The following DCTN2 variants were observed in gnomAD, a reference collection of about 807,000 sequenced individuals.
The protein encoded by DCTN2 is 50 kDa dynein-associated polypeptide.
A neutral mutation model predicts 55.4 loss-of-function variants in DCTN2; 18 were observed. The ratio of observed to expected loss-of-function variants is 0.32; its 90% CI spans 0.22 to 0.48. DCTN2 has a LOEUF of 0.48. DCTN2 is among the 20% of genes least tolerant of loss of function. The pLI is 0.99. For missense variants in DCTN2, 390 were observed against 491.0 expected (o/e 0.79, Z 1.94); for synonymous variants, 168 against 185.2 (o/e 0.91, Z 0.76).
rs1879581955 is a variant in DCTN2, at chr12:57,530,603, TTATAG to T, written c.*81_*85del. The T allele has an allele frequency of 3.4e-6, 4 of 1,193,664 alleles. No homozygotes were observed. The highest frequency in any genetic ancestry group is 4.8e-6 in the Non-Finnish European group (4 of 825,556). 73.9% of individuals were successfully genotyped at this position (1,193,664 alleles called of 1,614,324 possible). ...GTCAAATGGGATGGGGATGCTAGAG[TTATAG>T]TAAAGGGGAAACCCTATGTAAGCTG... is the stretch of plus-strand genomic sequence containing the variant. On this transcript the variant is annotated 3_prime_UTR_variant, in exon 14 of 14. Transcript: ENST00000548249.
In DCTN2 at chr12:57,535,771, CTT is replaced by C; in HGVS notation, c.178_179del (p.Lys60GlufsTer8). ...CACCAAGTCCCTTTGTCCCCACTCT[CTT>C]GTCCTTGAACTTGTCATAGGCAGCA... ...PNAAYDKFKD[K>X]RVGTKGLDFS... On this transcript the variant is annotated frameshift_variant, in exon 3 of 14. Coordinates refer to ENST00000548249, the MANE Select transcript of DCTN2 (RefSeq NM_001261413.2). LOFTEE classifies it high-confidence loss of function. The C allele has an allele frequency of 6.2e-7, 1 of 1,613,986 alleles. No homozygotes were observed. Among genetic ancestry groups the C allele is most frequent in the Non-Finnish European group, 8.5e-7 (1 of 1,179,850 alleles).
At chr12:57,539,449 G>C (rs1281153211) in intron 2 of DCTN2, among the ~76,000 whole-genome samples, 1 of 152,172 alleles carries the variant, frequency 6.6e-6, no homozygotes, top group Non-Finnish European at 1.5e-5. Flanking sequence ...AAACAAAGGG[G>C]AAGGGTGAGA....
intron 2 of DCTN2, among the ~76,000 whole-genome samples, chr12:57,538,078 G>T (rs1880389118): frequency 6.6e-6 from 1 of 152,204 alleles, no homozygotes; most frequent in African/African-American, 2.4e-5. Flanking sequence ...CCTTATTATG[G>T]GCGGGCACTA....
intron 2 of DCTN2, chr12:57,536,112 A>G: frequency 2.2e-6 from 1 of 452,974 alleles, no homozygotes; most frequent in Non-Finnish European, 4.0e-6. Context: ...TCTGTACATA[A>G]GCCTTCCCAT....
chr12:57,537,497 G>A (rs753039585), intron 2 of DCTN2, among the ~76,000 whole-genome samples: 293 of 152,232 alleles, frequency 1.9e-3, no homozygotes, highest in Admixed American at 3.1e-3. Flanking sequence ...AGGTATGTGG[G>A]GAGAGGGTGT....
At position 57,547,111 on chromosome 12, in the gene DCTN2, G is replaced by GC. The variant is rs1881242963; in HGVS notation, c.-49dup. The GC allele has an allele frequency of 3.2e-6, 4 of 1,252,306 alleles. No individual in the cohort carries two copies. The African/African-American group carries it at 4.6e-5, about 15-fold the overall frequency. The allele number at this position is 1,252,306 out of a possible 1,614,324, so 77.6% of individuals were successfully genotyped here. A position where few individuals can be genotyped will look rare whatever the true frequency, so the allele number is the denominator to read the frequency against. On this transcript the variant is annotated 5_prime_UTR_variant, in exon 1 of 14. Transcript: ENST00000548249. Reference sequence around the variant, plus strand: ...GGACCCGGGCCTCGGTGGAGCCGGGGCCGGTGTTCGGGTAGGGGAGAGGCT... The same window carrying GC: ...GGACCCGGGCCTCGGTGGAGCCGGGGCCCGGTGTTCGGGTAGGGGAGAGGCT...
intron 2 of DCTN2, among the ~76,000 whole-genome samples, chr12:57,541,657 A>C (rs2140134603): frequency 6.6e-6 from 1 of 152,266 alleles, no homozygotes; most frequent in African/African-American, 2.4e-5. Flanking sequence ...GTTTCTAATG[A>C]GGTTTTTCTT....
intron 2 of DCTN2, among the ~76,000 whole-genome samples, chr12:57,540,693 A>T (rs1436119769): frequency 6.6e-6 from 1 of 152,236 alleles, no homozygotes; most frequent in Non-Finnish European, 1.5e-5. Flanking sequence ...CCATGATGAC[A>T]AGGAAGATGG....
chr12:57,535,723 C>T, intron 3 of DCTN2, 26 bp downstream of exon 3: 1 of 1,596,784 alleles, frequency 6.3e-7, no homozygotes, highest in Non-Finnish European at 8.6e-7. Context: ...AGTCTTCCCC[C>T]CACCCAGCTT....
At chr12:57,531,533 A>G (rs1879711028) in intron 13 of DCTN2, among the ~76,000 whole-genome samples, 2 of 152,088 alleles carry the variant, frequency 1.3e-5, no homozygotes, top group Admixed American at 1.3e-4. Flanking sequence ...AAAAAACAAT[A>G]AGAAATTGTG....
chr12:57,543,143 A>C (rs1228441316), intron 2 of DCTN2: 1 of 410,086 alleles, frequency 2.4e-6, no homozygotes, highest in African/African-American at 2.1e-5. Context: ...AGGTCAGGAG[A>C]TCGAGACCAT....
intron 2 of DCTN2, chr12:57,541,393 T>G (rs1594891968): frequency 1.3e-6 from 2 of 1,597,862 alleles, no homozygotes; most frequent in Non-Finnish European, 1.7e-6. Context: ...GGCAAGGTGG[T>G]GAGGAGGGAG....
chr12:57,533,913 C>T (rs1283163221), intron 7 of DCTN2, 40 bp downstream of exon 7: 1 of 1,544,328 alleles, frequency 6.5e-7, no homozygotes. Flanking sequence ...AGGGTCACAT[C>T]TCCCCTTGGC....
rs1880185504 is a variant in DCTN2 at position 57,535,798 on chromosome 12, A to G, written c.153T>C (p.Asn51=). ...TGTCCTTGAACTTGTCATAGGCAGC[A>G]TTAGGATTGACAATGATGTGTTCCA... ...TSVEHIIVNP[N]AAYDKFKDKR... The change falls in exon 3 of 14, where the codon AAT becomes AAC. Residue 51 remains asparagine (N), a synonymous_variant. Transcript: ENST00000548249. 1.3e-5 allele frequency: 21 copies of G among 1,614,000 alleles called. No homozygotes were observed. The highest frequency in any genetic ancestry group is 1.8e-5 in the Non-Finnish European group (21 of 1,179,882).
At position 57,530,051 on chromosome 12, in the gene DCTN2, G is replaced by T. The variant is rs949771106; in HGVS notation, c.*638C>A. ...TCTTTTGTAAAGACAAGACCCTTGG[G>T]AGTTTTAATTCTGTTTTGTACTTGC... On this transcript the variant is annotated 3_prime_UTR_variant, in exon 14 of 14. Coordinates refer to ENST00000548249, the MANE Select transcript of DCTN2 (RefSeq NM_001261413.2). The T allele has an allele frequency of 1.3e-5, 2 of 152,616 alleles. No homozygotes were observed. The highest frequency in any genetic ancestry group is 2.4e-5 in the African/African-American group (1 of 41,456). The allele number at this position is 152,616 out of a possible 1,614,324, so 9.5% of individuals were successfully genotyped here.
rs757375180 is a variant in DCTN2 at position 57,536,987 on chromosome 12, A to AT, written c.106-1143dup. Among the ~76,000 whole-genome samples, 635 of 142,324 alleles carry AT rather than the reference A, an allele frequency of 4.5e-3. 2 individuals are homozygous for AT. The highest frequency in any genetic ancestry group is 7.6e-3 in the Middle Eastern group (2 of 264). The allele number at this position is 142,324 out of a possible 152,430, so 93.4% of individuals were successfully genotyped here. A position where few individuals can be genotyped will look rare whatever the true frequency, so the allele number is the denominator to read the frequency against. ...AGGCTGCATGTTAGAATCACTTATAATTTTTTTTTTTTTTTAAATAGACAG... is the reference window on the plus strand; with the variant it reads ...AGGCTGCATGTTAGAATCACTTATAATTTTTTTTTTTTTTTTAAATAGACAG... On this transcript the variant is annotated intron_variant, in intron 2 of 13. Transcript: ENST00000548249.
At chr12:57,544,021 G>C in intron 2 of DCTN2, 2 of 424,860 alleles carry the variant, frequency 4.7e-6, no homozygotes, top group South Asian at 3.3e-5. Context: ...ATGACAATAT[G>C]TATTTTTTTG....
At chr12:57,535,379 G>C in intron 4 of DCTN2, 105 bp downstream of exon 4, 1 of 1,424,388 alleles carries the variant, frequency 7.0e-7, no homozygotes, top group South Asian at 1.2e-5. Context: ...CTCAGGAACA[G>C]AGGAGGAACA....
At chr12:57,542,297 A>G (rs2140135609) in intron 2 of DCTN2, among the ~76,000 whole-genome samples, 1 of 152,088 alleles carries the variant, frequency 6.6e-6, no homozygotes, top group African/African-American at 2.4e-5. Context: ...AAAATTCACG[A>G]TCATCTGTAG....
Sources: gnomAD v4.1 joint callset for allele counts (sites outside exome capture counted in the v4.1 genomes callset) on GRCh38, gnomAD v4.1.1 for gene constraint, MANE v1.5 for transcripts, NCBI Gene and HGNC (gene_info 2026-07-23, HGNC 2026-07-21) for gene names.